SHOC2: variants seen among roughly 807,000 people sequenced by gnomAD.
SHOC2 encodes the protein SHOC2 leucine rich repeat scaffold protein, also known as leucine-rich repeat protein SHOC-2.
Under a neutral mutation model 50.2 loss-of-function variants are expected in SHOC2, and 4 were observed. The ratio of observed to expected loss-of-function variants is 0.08; its 90% CI spans 0.04 to 0.18. SHOC2 has a LOEUF of 0.18. Ranked by LOEUF, SHOC2 falls within the 10% of genes least tolerant of loss-of-function variation. The probability of loss-of-function intolerance (pLI) is 1.00; values close to 1 mark genes in which losing one functional copy is unlikely to be tolerated. For synonymous variants in SHOC2, 218 were observed against 244.5 expected (o/e 0.89, Z 1.01); for missense variants, 388 against 669.6 (o/e 0.58, Z 4.64).
At chr10:110,997,617 C>G (rs901779646) in intron 3 of SHOC2, among the ~76,000 whole-genome samples, 1 of 151,946 alleles carries the variant, frequency 6.6e-6, no homozygotes, top group African/African-American at 2.4e-5. Context: ...CAGAATATTG[C>G]AGAATATAGA....
chr10:110,989,019 T>C lies in SHOC2; in HGVS notation c.841+3254T>C, dbSNP rs770263968. The C allele has an allele frequency of 3.0e-5, 15 of 506,096 alleles. 1 individual carries two copies. The highest frequency in any genetic ancestry group is 2.2e-4 in the South Asian group (15 of 68,150). The allele number at this position is 506,096 out of a possible 1,614,324, so 31.4% of individuals were successfully genotyped here. A position where few individuals can be genotyped will look rare whatever the true frequency, so the allele number is the denominator to read the frequency against. On this transcript the variant is annotated intron_variant, in intron 3 of 8. Transcript: ENST00000369452. ...TTTGCACCAACCTGATAGAAGAATG[T>C]TATTTTGTTCCCAAAAGCTTGACAA...
intron 3 of SHOC2, among the ~76,000 whole-genome samples, chr10:110,990,986 C>G (rs1848176124): frequency 6.6e-6 from 1 of 152,164 alleles, no homozygotes; most frequent in African/African-American, 2.4e-5. Context: ...TGCTTCCCAT[C>G]TCTCTGTTTA....
chr10:111,009,581 TGTAA>T (rs1848531145), intron 7 of SHOC2, 128 bp from the exon 8 acceptor site: 3 of 786,258 alleles, frequency 3.8e-6, no homozygotes, highest in Non-Finnish European at 6.3e-6. Flanking sequence ...AAATATGTAA[TGTAA>T]GTGATTCTCA....
chr10:110,999,753 AAAAAAAG>A (rs1848334472), intron 3 of SHOC2, among the ~76,000 whole-genome samples: 3 of 144,844 alleles, frequency 2.1e-5, no homozygotes, highest in African/African-American at 7.6e-5. Context: ...AAAAAAAAAA[AAAAAAAG>A]AAAGAAAAGA....
chr10:110,933,387 T>C (rs1590779413), intron 1 of SHOC2, among the ~76,000 whole-genome samples: 1 of 152,004 alleles, frequency 6.6e-6, no homozygotes, highest in East Asian at 1.9e-4. Flanking sequence ...TATGATTAAG[T>C]TAAAAGAAAA....
intron 8 of SHOC2, among the ~76,000 whole-genome samples, chr10:111,010,251 G>T (rs1172110361): frequency 6.6e-6 from 1 of 151,956 alleles, no homozygotes; most frequent in Non-Finnish European, 1.5e-5. Flanking sequence ...ACATTTTCCA[G>T]GTGTTTTCAT....
chr10:110,950,510 T>A (rs1847330758), intron 1 of SHOC2, among the ~76,000 whole-genome samples: 1 of 152,140 alleles, frequency 6.6e-6, no homozygotes, highest in South Asian at 2.1e-4. Flanking sequence ...TACACAGAAA[T>A]AGGAAAAGCA....
At chr10:110,926,413 T>G (rs1846775406) in intron 1 of SHOC2, among the ~76,000 whole-genome samples, 1 of 152,222 alleles carries the variant, frequency 6.6e-6, no homozygotes, top group Non-Finnish European at 1.5e-5. Context: ...TAAACACACA[T>G]TTTCTGTTTT....
At chr10:111,005,614 G>A (rs1848452437) in intron 5 of SHOC2, among the ~76,000 whole-genome samples, 1 of 152,114 alleles carries the variant, frequency 6.6e-6, no homozygotes, top group South Asian at 2.1e-4. Context: ...TTGCCAAAAT[G>A]TTTAGAGATC....
rs1365500050 is a variant in SHOC2, at chr10:110,962,019, G to A, written c.-234-2106G>A. Among the ~76,000 whole-genome samples, 3 of 152,002 alleles carry A rather than the reference G, an allele frequency of 2.0e-5. No homozygotes were observed. The East Asian group carries it at 5.8e-4, about 29-fold the overall frequency. ...TTTTGATTCAGTGATTTGTGATGGA[G>A]CCTGGGAATTTGTATTTTTAAACAA... On this transcript the variant is annotated intron_variant, in intron 1 of 8. Transcript: ENST00000369452.
intron 3 of SHOC2, among the ~76,000 whole-genome samples, chr10:111,000,186 A>G (rs763265548): frequency 6.6e-6 from 1 of 152,208 alleles, no homozygotes; most frequent in Non-Finnish European, 1.5e-5. Flanking sequence ...TTTAAAAATT[A>G]ACTTAACAGC....
chr10:110,944,177 G>A (rs1847204882), intron 1 of SHOC2, among the ~76,000 whole-genome samples: 1 of 152,160 alleles, frequency 6.6e-6, no homozygotes, highest in Non-Finnish European at 1.5e-5. Flanking sequence ...TTGTTCCATA[G>A]TATATTGTTA....
chr10:110,936,160 G>T (rs1590781946), intron 1 of SHOC2, among the ~76,000 whole-genome samples: 2 of 149,342 alleles, frequency 1.3e-5, no homozygotes, highest in African/African-American at 2.5e-5. Flanking sequence ...GCAATGGCGC[G>T]ATCTCGGCTC....
At chr10:110,958,216 C>CT (rs1313516359) in intron 1 of SHOC2, among the ~76,000 whole-genome samples, 8 of 113,578 alleles carry the variant, frequency 7.0e-5, no homozygotes, top group East Asian at 4.2e-4. Flanking sequence ...CCATTTCTTT[C>CT]TTTCTTTTTT....
intron 1 of SHOC2, among the ~76,000 whole-genome samples, chr10:110,921,994 G>A (rs1846662397): frequency 6.6e-6 from 1 of 151,248 alleles, no homozygotes; most frequent in South Asian, 2.1e-4. Flanking sequence ...TTAAACTACC[G>A]TATTCAGAAA....
At chr10:110,922,290 A>G (rs1846668991) in intron 1 of SHOC2, among the ~76,000 whole-genome samples, 1 of 152,136 alleles carries the variant, frequency 6.6e-6, no homozygotes, top group Non-Finnish European at 1.5e-5. Context: ...TGATTGGTAT[A>G]GTTATTGCTT....
chr10:110,922,927 C>T (rs540926392), intron 1 of SHOC2, among the ~76,000 whole-genome samples: 3 of 152,148 alleles, frequency 2.0e-5, no homozygotes, highest in Non-Finnish European at 4.4e-5. Flanking sequence ...TTATGTGATA[C>T]TTAAATGAGT....
intron 4 of SHOC2, among the ~76,000 whole-genome samples, chr10:111,001,027 A>G (rs1027633964): frequency 6.6e-6 from 1 of 151,854 alleles, no homozygotes; most frequent in African/African-American, 2.4e-5. Flanking sequence ...CAATAATATT[A>G]AGGCCTATTT....
intron 2 of SHOC2, among the ~76,000 whole-genome samples, chr10:110,974,568 C>T (rs1257529959): frequency 2.6e-5 from 4 of 151,916 alleles, no homozygotes; most frequent in Non-Finnish European, 5.9e-5. Context: ...CCACTTGTTC[C>T]TTTTTTCCCT....
Sources: gnomAD v4.1 joint callset for allele counts (sites outside exome capture counted in the v4.1 genomes callset) on GRCh38, gnomAD v4.1.1 for gene constraint, MANE v1.5 for transcripts, NCBI Gene and HGNC (gene_info 2026-07-23, HGNC 2026-07-21) for gene names.